SGCZ: variants seen among roughly 807,000 people sequenced by gnomAD.
SGCZ encodes sarcoglycan zeta, also known as zeta-sarcoglycan.
In SGCZ, 40 loss-of-function variants were observed where a neutral mutation model predicts 41.3. That is an observed-to-expected ratio of 0.97 (90% CI 0.75 to 1.26). SGCZ has a LOEUF of 1.26. Among genes scored for constraint, SGCZ ranks in the 50% most tolerant of loss-of-function variants. The pLI, the probability that SGCZ is intolerant of heterozygous loss-of-function variation, is 0.00. For synonymous variants in SGCZ, 206 were observed against 137.5 expected, an observed-to-expected ratio of 1.50 and a Z score of -3.49; for missense variants, 552 against 369.8, an observed-to-expected ratio of 1.49 and a Z score of -4.04.
chr8:14,584,238 C>A (rs1245108831), intron 1 of SGCZ, among the ~76,000 whole-genome samples: 2 of 151,990 alleles, frequency 1.3e-5, no homozygotes, highest in African/African-American at 4.8e-5. Flanking sequence ...AAATTTAAAT[C>A]ATGAAAAGAG....
At chr8:15,127,231 G>A (rs1807730415) in intron 1 of SGCZ, among the ~76,000 whole-genome samples, 1 of 97,766 alleles carries the variant, frequency 1.0e-5, no homozygotes, top group African/African-American at 3.1e-5. Context: ...AACATCTATA[G>A]GCACACACAC....
At chr8:14,254,055 C>A (rs1563214977) in intron 3 of SGCZ, among the ~76,000 whole-genome samples, 1 of 152,084 alleles carries the variant, frequency 6.6e-6, no homozygotes, top group Non-Finnish European at 1.5e-5. Flanking sequence ...AAATATGTTA[C>A]AACCTTAAAC....
intron 1 of SGCZ, among the ~76,000 whole-genome samples, chr8:14,957,437 T>G (rs1389727684): frequency 6.6e-6 from 1 of 152,032 alleles, no homozygotes; most frequent in Admixed American, 6.6e-5. Flanking sequence ...AACCTTTCCA[T>G]TCGTTGTCAC....
chr8:14,661,604 A>T lies in SGCZ; in HGVS notation c.40-106678T>A, dbSNP rs778842188. 2.0e-5 allele frequency among the ~76,000 whole-genome samples: 3 copies of T among 152,164 alleles called. 1 individual carries two copies. Among genetic ancestry groups the T allele is most frequent in the Non-Finnish European group, 4.4e-5 (3 of 68,036 alleles). The stretch of plus-strand genomic sequence containing the variant: ...TGGGAGGTTAACAAACCATGACTCA[A>T]CATAAATCAGTAGCATTTGGGGATT... On this transcript the variant is annotated intron_variant, in intron 1 of 7. Coordinates refer to ENST00000382080, the MANE Select transcript of SGCZ (RefSeq NM_139167.4).
At chr8:15,001,250 C>G (rs1350357263) in intron 1 of SGCZ, among the ~76,000 whole-genome samples, 1 of 152,190 alleles carries the variant, frequency 6.6e-6, no homozygotes, top group Middle Eastern at 3.2e-3. Context: ...CGTCACATTT[C>G]TGAGATAAGA....
At chr8:14,591,215 A>G (rs1010219799) in intron 1 of SGCZ, among the ~76,000 whole-genome samples, 3 of 151,892 alleles carry the variant, frequency 2.0e-5, no homozygotes, top group Non-Finnish European at 1.5e-5. Context: ...AACTACCTAT[A>G]AATTTGATCC....
chr8:14,377,131 G>A (rs144741755), intron 2 of SGCZ, among the ~76,000 whole-genome samples: 152 of 152,296 alleles, frequency 1.0e-3, no homozygotes, highest in African/African-American at 3.5e-3. Context: ...TATAATTAGA[G>A]AGTTGGAACT....
At chr8:14,973,678 T>A (rs569949027) in intron 1 of SGCZ, among the ~76,000 whole-genome samples, 3 of 152,278 alleles carry the variant, frequency 2.0e-5, no homozygotes, top group Admixed American at 6.5e-5. Flanking sequence ...AGAAATAAGC[T>A]CTAGGATCTT....
intron 1 of SGCZ, among the ~76,000 whole-genome samples, chr8:14,688,791 G>C (rs892655454): frequency 2.0e-5 from 3 of 152,016 alleles, no homozygotes; most frequent in Admixed American, 6.6e-5. Context: ...GGAAATAAAG[G>C]GTATTCAATT....
Position 14,826,483 on chromosome 8 carries a change from G to C in SGCZ, c.40-271557C>G, listed in dbSNP as rs545050788. Among the ~76,000 whole-genome samples the C allele has an allele frequency of 2.0e-5, 3 of 152,166 alleles. No homozygotes were observed. The South Asian group carries it at 6.2e-4, about 32-fold the overall frequency. On this transcript the variant is annotated intron_variant, in intron 1 of 7. Coordinates refer to ENST00000382080, the MANE Select transcript of SGCZ (RefSeq NM_139167.4). ...ATGGCTGGGTCAAATGGTATTTCTAGTTCTAGATCCCTGAGGAATCGCCAC... is the reference window on the plus strand; with the variant it reads ...ATGGCTGGGTCAAATGGTATTTCTACTTCTAGATCCCTGAGGAATCGCCAC...
chr8:14,392,784 T>C (rs1804821643), intron 2 of SGCZ, among the ~76,000 whole-genome samples: 1 of 152,108 alleles, frequency 6.6e-6, no homozygotes, highest in South Asian at 2.1e-4. Flanking sequence ...CTTTGGCTAA[T>C]ACATGCATAT....
chr8:14,615,530 T>C (rs73194135), intron 1 of SGCZ, among the ~76,000 whole-genome samples: 8,207 of 152,280 alleles, frequency 0.054, 264 homozygotes, highest in South Asian at 0.15. Flanking sequence ...TTTTAACAAG[T>C]ATCAAGAATA....
chr8:14,517,740 T>C (rs1802665105), intron 2 of SGCZ, among the ~76,000 whole-genome samples: 1 of 151,988 alleles, frequency 6.6e-6, no homozygotes, highest in African/African-American at 2.4e-5. Flanking sequence ...ATTTTGACCA[T>C]AATTAATAGT....
chr8:14,473,931 C>T (rs1585562700), intron 2 of SGCZ, among the ~76,000 whole-genome samples: 1 of 97,320 alleles, frequency 1.0e-5, no homozygotes, highest in South Asian at 4.6e-4. Context: ...GAGCAAGACC[C>T]TGTCTCAAAA....
intron 2 of SGCZ, among the ~76,000 whole-genome samples, chr8:14,477,105 T>G (rs1205767046): frequency 1.3e-5 from 2 of 152,256 alleles, no homozygotes; most frequent in African/African-American, 2.4e-5. Context: ...ATTTCCTTCC[T>G]TTCAAATTCA....
chr8:14,978,936 C>T (rs1187386595), intron 1 of SGCZ, among the ~76,000 whole-genome samples: 1 of 152,102 alleles, frequency 6.6e-6, no homozygotes, highest in Non-Finnish European at 1.5e-5. Context: ...GTAGCTGGGA[C>T]TACAGGCATG....
chr8:14,104,132 G>C (rs895559305), intron 6 of SGCZ, among the ~76,000 whole-genome samples: 1 of 152,082 alleles, frequency 6.6e-6, no homozygotes, highest in Non-Finnish European at 1.5e-5. Context: ...TAAAAAGCCT[G>C]TTGAAAAAGG....
chr8:15,206,386 C>G (rs890073803), intron 1 of SGCZ, among the ~76,000 whole-genome samples: 4 of 151,414 alleles, frequency 2.6e-5, no homozygotes, highest in African/African-American at 7.3e-5. Flanking sequence ...AATTAGGCTG[C>G]AGCAGAGGGT....
At chr8:14,955,949 A>G (rs1015321375) in intron 1 of SGCZ, among the ~76,000 whole-genome samples, 1 of 152,110 alleles carries the variant, frequency 6.6e-6, no homozygotes, top group South Asian at 2.1e-4. Flanking sequence ...GAGATTCTCT[A>G]AAACTTTATA....
Sources: allele counts gnomAD v4.1 joint callset (sites outside exome capture counted in the v4.1 genomes callset), GRCh38; gene constraint gnomAD v4.1.1; transcripts MANE v1.5; gene names NCBI Gene and HGNC (gene_info 2026-07-23, HGNC 2026-07-21).